TMOD2: variants seen among roughly 807,000 people sequenced by gnomAD.
The protein encoded by TMOD2 is tropomodulin-2.
Under a neutral mutation model 39.9 loss-of-function variants are expected in TMOD2, and 22 were observed. The observed-to-expected ratio is 0.55, with a 90% confidence interval of 0.39 to 0.79. The LOEUF (loss-of-function observed/expected upper bound fraction) is 0.79. TMOD2 is among the 30% of genes least tolerant of loss of function. The pLI, the probability that TMOD2 is intolerant of heterozygous loss-of-function variation, is 0.00. For missense variants in TMOD2, 386 were observed against 413.3 expected, an observed-to-expected ratio of 0.93 and a Z score of 0.57; for synonymous variants, 123 against 146.1, an observed-to-expected ratio of 0.84 and a Z score of 1.14.
chr15:51,804,575 G>C (rs2056109880), intron 8 of TMOD2, among the ~76,000 whole-genome samples: 1 of 151,130 alleles, frequency 6.6e-6, no homozygotes, highest in African/African-American at 2.4e-5. Context: ...GTTTTGTTTT[G>C]TTTTGTTTTT....
At chr15:51,804,116 C>T (rs529900162) in intron 8 of TMOD2, among the ~76,000 whole-genome samples, 1 of 152,330 alleles carries the variant, frequency 6.6e-6, no homozygotes, top group African/African-American at 2.4e-5. Flanking sequence ...TACAGGCATA[C>T]TTGCAGAAAT....
chr15:51,769,071 A>G (rs921182820), intron 3 of TMOD2, among the ~76,000 whole-genome samples: 1 of 152,248 alleles, frequency 6.6e-6, no homozygotes, highest in African/African-American at 2.4e-5. Context: ...ATAGGATGCC[A>G]TTAGTCAGGG....
At chr15:51,785,490 A>T (rs1286640554) in intron 7 of TMOD2, among the ~76,000 whole-genome samples, 1 of 151,986 alleles carries the variant, frequency 6.6e-6, no homozygotes, top group East Asian at 1.9e-4. Flanking sequence ...TTATTCAGCC[A>T]TAAAAAAGAA....
At position 51,806,475 on chromosome 15, in the gene TMOD2, G is replaced by C; in HGVS notation, c.975G>C (p.Gly325=). 6.2e-7 allele frequency: 1 copy of C among 1,614,170 alleles called. No individual in the cohort carries two copies. Among genetic ancestry groups the C allele is most frequent in the Non-Finnish European group, 8.5e-7 (1 of 1,180,034 alleles). The change falls in exon 9 of 10, where the codon GGG becomes GGC. Residue 325 remains glycine, a synonymous_variant. Transcript: ENST00000249700. ...TTGGATACCAGTTTACCAAGCAAGG[G>C]CCACGAACAAGGGTGGCAGCTGCCA... ...LKFGYQFTKQ[G]PRTRVAAAIT...
intron 1 of TMOD2, among the ~76,000 whole-genome samples, chr15:51,757,270 C>T (rs1284328317): frequency 6.6e-6 from 1 of 151,794 alleles, no homozygotes; most frequent in African/African-American, 2.4e-5. Context: ...GGCGTGGTGG[C>T]GGGCACCTGT....
At chr15:51,767,695 A>G (rs982785909) in intron 2 of TMOD2, among the ~76,000 whole-genome samples, 1 of 152,246 alleles carries the variant, frequency 6.6e-6, no homozygotes, top group African/African-American at 2.4e-5. Context: ...AATATAACTA[A>G]AACAAAATTA....
intron 5 of TMOD2, 76 bp from the exon 6 acceptor site, chr15:51,780,968 G>A: frequency 1.6e-6 from 2 of 1,243,060 alleles, no homozygotes; most frequent in Non-Finnish European, 2.2e-6. Context: ...TGAAAGAAAT[G>A]TCATTTTTTG....
chr15:51,807,559 C>A (rs1473602302), intron 9 of TMOD2, among the ~76,000 whole-genome samples: 1 of 152,010 alleles, frequency 6.6e-6, no homozygotes, highest in Non-Finnish European at 1.5e-5. Context: ...AATCAGAAGG[C>A]ACCTAGGAAA....
chr15:51,779,934 A>C (rs568542305), intron 5 of TMOD2, among the ~76,000 whole-genome samples: 1 of 152,204 alleles, frequency 6.6e-6, no homozygotes, highest in African/African-American at 2.4e-5. Flanking sequence ...CTCTTGCTTC[A>C]GTCCCCCAAA....
In TMOD2 at chr15:51,808,709, C is replaced by T. The variant is rs2056137215; in HGVS notation, c.*255C>T. The T allele has an allele frequency of 5.8e-6, 2 of 344,608 alleles. No homozygotes were observed. Among genetic ancestry groups the T allele is most frequent in the Admixed American group, 9.4e-5 (2 of 21,292 alleles). 21.3% of individuals were successfully genotyped at this position (344,608 alleles called of 1,614,324 possible). ...CGATGCAGATTTTAGAGAGTGACGA[C>T]ATGGAAAATGAATTTAACCACTTTC... On this transcript the variant is annotated 3_prime_UTR_variant, in exon 10 of 10. Coordinates refer to ENST00000249700, the MANE Select transcript of TMOD2 (RefSeq NM_014548.4).
chr15:51,767,633 T>G (rs1213947657), intron 2 of TMOD2, among the ~76,000 whole-genome samples: 2 of 117,622 alleles, frequency 1.7e-5, no homozygotes, highest in East Asian at 4.5e-4. Context: ...TCAATTACGG[T>G]TAAAAAAAAA....
chr15:51,789,761 T>C (rs758058877), intron 7 of TMOD2, among the ~76,000 whole-genome samples: 2 of 152,178 alleles, frequency 1.3e-5, no homozygotes, highest in African/African-American at 4.8e-5. Flanking sequence ...AAATGACTAC[T>C]GGGTAAATAA....
intron 1 of TMOD2, among the ~76,000 whole-genome samples, chr15:51,755,043 AAC>A (rs1484989206): frequency 6.6e-6 from 1 of 152,228 alleles, no homozygotes; most frequent in African/African-American, 2.4e-5. Context: ...AATGGATCAT[AAC>A]AGTTTGACCC....
chr15:51,761,038 T>A (rs1399605152), intron 1 of TMOD2, among the ~76,000 whole-genome samples: 1 of 152,144 alleles, frequency 6.6e-6, no homozygotes, highest in Non-Finnish European at 1.5e-5. Flanking sequence ...GCTTTGGAGC[T>A]AGATTGTCTG....
chr15:51,765,679 A>G (rs2055811664), intron 1 of TMOD2, among the ~76,000 whole-genome samples: 1 of 152,208 alleles, frequency 6.6e-6, no homozygotes, highest in Non-Finnish European at 1.5e-5. Flanking sequence ...ATAAGGGTCG[A>G]GAGAAGAACG....
chr15:51,766,473 A>G lies in TMOD2; in HGVS notation c.32A>G (p.Lys11Arg), dbSNP rs1276135659. 5 of 1,614,018 alleles carry G rather than the reference A, an allele frequency of 3.1e-6. No homozygotes were observed. In the African/African-American group the frequency reaches 4.0e-5, roughly 13 times the overall value. Residue 11 changes from lysine to arginine, a missense_variant, in exon 2 of 10, where the codon AAA (lysine) becomes AGA (arginine). Lys to Arg is a conservative substitution (Grantham distance 26). Coordinates refer to ENST00000249700, the MANE Select transcript of TMOD2 (RefSeq NM_014548.4). ...CTCCCCTTTCAAAAAGAGCTGGAGA[A>G]ATACAAGAACATTGATGAAGATGAG... is the stretch of plus-strand genomic sequence containing the variant. MALPFQKELE[K>R]YKNIDEDELL...
chr15:51,781,890 T>A (rs1314690650), intron 6 of TMOD2, among the ~76,000 whole-genome samples: 2 of 152,194 alleles, frequency 1.3e-5, no homozygotes, highest in African/African-American at 2.4e-5. Flanking sequence ...GGGCCAATTC[T>A]TAGCATTTAA....
In TMOD2 at chr15:51,766,555, C is replaced by T; in HGVS notation, c.114C>T (p.Asp38=). The T allele has an allele frequency of 6.2e-7, 1 of 1,613,890 alleles. No individual in the cohort carries two copies. The highest frequency in any genetic ancestry group is 8.5e-7 in the Non-Finnish European group (1 of 1,179,902). The change falls in exon 2 of 10, where the codon GAC becomes GAT. Residue 38 remains aspartate, a synonymous_variant. Transcript: ENST00000249700. ...AACAGTTGGAAAATGTTCTAGATGACCTAGATCCTGAGGTTAGTGACATGG... is the reference window on the plus strand; with the variant it reads ...AACAGTTGGAAAATGTTCTAGATGATCTAGATCCTGAGGTTAGTGACATGG... ...ELKQLENVLD[D]LDPESAMLPA...
intron 1 of TMOD2, chr15:51,756,532 T>G (rs1250591784): frequency 6.6e-6 from 1 of 152,270 alleles, no homozygotes; most frequent in Non-Finnish European, 1.5e-5. Context: ...AGGTTGTCAC[T>G]GCACACATAT....
Sources: gnomAD v4.1 joint callset for allele counts (sites outside exome capture counted in the v4.1 genomes callset) on GRCh38, gnomAD v4.1.1 for gene constraint, MANE v1.5 for transcripts, NCBI Gene and HGNC (gene_info 2026-07-23, HGNC 2026-07-21) for gene names.